The following HSD17B3 variants were observed in gnomAD, a reference collection of about 807,000 sequenced individuals.
HSD17B3 encodes the protein hydroxysteroid 17-beta dehydrogenase 3.
In HSD17B3, 29 loss-of-function variants were observed where a neutral mutation model predicts 41.1. The ratio of observed to expected loss-of-function variants is 0.71; its 90% CI spans 0.53 to 0.96. The LOEUF is 0.96. Ranked by LOEUF, HSD17B3 falls within the 40% of genes least tolerant of loss-of-function variation. The pLI, the probability that HSD17B3 is intolerant of heterozygous loss-of-function variation, is 0.00. For synonymous variants in HSD17B3, 126 were observed against 145.6 expected (o/e 0.87, Z 0.97); for missense variants, 323 against 374.6 (o/e 0.86, Z 1.14).
rs574333270 is a variant in HSD17B3, at chr9:96,273,812, G to A, written c.202-18869C>T. Among the ~76,000 whole-genome samples the A allele has an allele frequency of 2.2e-3, 339 of 152,222 alleles. 2 individuals are homozygous for A. The highest frequency in any genetic ancestry group is 7.8e-3 in the African/African-American group (322 of 41,524). ...CTGACTGCTTGGAGTCCACAGCATT[G>A]CACACGCACCCCACCCCCAGGGCCA... On this transcript the variant is annotated intron_variant, in intron 2 of 10. Coordinates refer to ENST00000375263, the MANE Select transcript of HSD17B3 (RefSeq NM_000197.2).
chr9:96,239,376 T>C (rs375737993), intron 10 of HSD17B3: 3 of 152,208 alleles, frequency 2.0e-5, no homozygotes, highest in Non-Finnish European at 2.9e-5. Flanking sequence ...TTTAGACTCA[T>C]TGGACATTCG....
intron 10 of HSD17B3, 113 bp downstream of exon 10, chr9:96,240,645 T>C (rs1302749774): frequency 2.8e-6 from 3 of 1,075,564 alleles, no homozygotes; most frequent in East Asian, 2.4e-5. Context: ...TACCTGGCTA[T>C]ATTAACGCAT....
intron 2 of HSD17B3, among the ~76,000 whole-genome samples, chr9:96,270,953 CGGG>C (rs34328277): frequency 8.0e-6 from 1 of 124,238 alleles, no homozygotes; most frequent in African/African-American, 3.2e-5. Context: ...CAAATCCTCT[CGGG>C]GGGGGGGGTT....
chr9:96,259,669 C>T (rs374507246), intron 2 of HSD17B3, among the ~76,000 whole-genome samples: 55 of 151,646 alleles, frequency 3.6e-4, no homozygotes, highest in East Asian at 1.7e-3. Flanking sequence ...TGCAGTGAGC[C>T]GAGATCACGC....
intron 9 of HSD17B3, among the ~76,000 whole-genome samples, chr9:96,241,973 G>GAAAGAAAGAAAGAAAGAAAA (rs1836463739): frequency 9.1e-6 from 1 of 109,600 alleles, no homozygotes; most frequent in Non-Finnish European, 1.9e-5. Flanking sequence ...AAGAAAGAAA[G>GAAAGAAAGAAAGAAAGAAAA]AAAGAAAGAA....
At position 96,281,601 on chromosome 9, in the gene HSD17B3, C is replaced by T. The variant is rs557101949; in HGVS notation, c.201+16815G>A. Among the ~76,000 whole-genome samples the T allele has an allele frequency of 2.3e-4, 35 of 152,256 alleles. No homozygotes were observed. The South Asian group carries it at 5.8e-3, about 25-fold the overall frequency. ...TTGGCTAAGAATGGGTTTGGCCCTA[C>T]GGGATGTTAACTGCTTTTCTCTTTG... On this transcript the variant is annotated intron_variant, in intron 2 of 10. Transcript: ENST00000375263.
At chr9:96,274,789 G>A (rs1432162072) in intron 2 of HSD17B3, among the ~76,000 whole-genome samples, 1 of 152,100 alleles carries the variant, frequency 6.6e-6, no homozygotes, top group Non-Finnish European at 1.5e-5. Context: ...ATATATTATG[G>A]TATTCCAAAG....
At chr9:96,268,805 TG>T (rs551896476) in intron 2 of HSD17B3, among the ~76,000 whole-genome samples, 2 of 152,152 alleles carry the variant, frequency 1.3e-5, no homozygotes, top group African/African-American at 4.8e-5. Flanking sequence ...AAAAATTAGC[TG>T]CACGTGGTGG....
At chr9:96,253,312 T>C (rs947014123) in intron 3 of HSD17B3, among the ~76,000 whole-genome samples, 1 of 152,166 alleles carries the variant, frequency 6.6e-6, no homozygotes, top group Non-Finnish European at 1.5e-5. Flanking sequence ...TCCGAGGGAC[T>C]CTGCTGCTTG....
At chr9:96,243,885 C>T (rs1449255736) in intron 9 of HSD17B3, among the ~76,000 whole-genome samples, 5 of 152,140 alleles carry the variant, frequency 3.3e-5, no homozygotes, top group African/African-American at 1.2e-4. Flanking sequence ...TGGTGACTAG[C>T]CCCTCCCCTC....
At chr9:96,245,174 T>C (rs1836611021) in intron 8 of HSD17B3, among the ~76,000 whole-genome samples, 171 bp downstream of exon 8, 1 of 152,152 alleles carries the variant, frequency 6.6e-6, no homozygotes, top group Non-Finnish European at 1.5e-5. Flanking sequence ...CCAGAGCAGG[T>C]GCTTTATTCT....
At chr9:96,277,835 G>GCGCACACACA (rs1450902519) in intron 2 of HSD17B3, among the ~76,000 whole-genome samples, 14 of 145,924 alleles carry the variant, frequency 9.6e-5, no homozygotes, top group African/African-American at 3.3e-4. Context: ...GGAAAATGTG[G>GCGCACACACA]CACACACACA....
intron 4 of HSD17B3, 107 bp downstream of exon 4, chr9:96,252,696 T>C: frequency 1.3e-6 from 1 of 770,520 alleles, no homozygotes; most frequent in Non-Finnish European, 2.4e-6. Context: ...TAAAATACAG[T>C]CATGGTTTGA....
intron 2 of HSD17B3, among the ~76,000 whole-genome samples, chr9:96,291,773 G>A (rs1169444269): frequency 6.6e-6 from 1 of 151,986 alleles, no homozygotes; most frequent in Non-Finnish European, 1.5e-5. Flanking sequence ...CCTGGCCAAC[G>A]AGGTGAAACC....
At chr9:96,300,928 G>C (rs1300249700) in intron 1 of HSD17B3, among the ~76,000 whole-genome samples, 1 of 152,086 alleles carries the variant, frequency 6.6e-6, no homozygotes, top group African/African-American at 2.4e-5. Flanking sequence ...TTAATACAAT[G>C]AGTTAAAATT....
At chr9:96,244,105 G>A (rs1836558970) in intron 9 of HSD17B3, among the ~76,000 whole-genome samples, 1 of 152,180 alleles carries the variant, frequency 6.6e-6, no homozygotes, top group African/African-American at 2.4e-5. Context: ...AGCACCCAGG[G>A]CACGGGGGAG....
intron 2 of HSD17B3, among the ~76,000 whole-genome samples, chr9:96,296,337 G>T (rs1007517232): frequency 2.0e-5 from 3 of 152,186 alleles, no homozygotes; most frequent in Non-Finnish European, 2.9e-5. Context: ...ACAATTGTCT[G>T]CAAACCAAGA....
At chr9:96,259,064 G>A (rs528192814) in intron 2 of HSD17B3, among the ~76,000 whole-genome samples, 1 of 152,280 alleles carries the variant, frequency 6.6e-6, no homozygotes, top group South Asian at 2.1e-4. Flanking sequence ...AGAGACTCTG[G>A]AGAAGATATG....
At chr9:96,253,947 C>T (rs1477428540) in intron 3 of HSD17B3, among the ~76,000 whole-genome samples, 5 of 152,242 alleles carry the variant, frequency 3.3e-5, no homozygotes, top group Non-Finnish European at 7.4e-5. Flanking sequence ...ACACCTCCCA[C>T]ACCCATCTCC....
Sources: allele counts gnomAD v4.1 joint callset (sites outside exome capture counted in the v4.1 genomes callset), GRCh38; gene constraint gnomAD v4.1.1; transcripts MANE v1.5; gene names NCBI Gene and HGNC (gene_info 2026-07-23, HGNC 2026-07-21).